Variants in LRRTM4 observed in about 807,000 individuals in gnomAD.
LRRTM4 encodes the protein leucine rich repeat transmembrane neuronal 4.
A neutral mutation model predicts 47.6 loss-of-function variants in LRRTM4; 25 were observed. The ratio of observed to expected loss-of-function variants is 0.53; its 90% CI spans 0.38 to 0.73. The LOEUF is 0.73. LRRTM4 is among the 30% of genes least tolerant of loss of function. The pLI is 0.00. For synonymous variants in LRRTM4, 311 were observed against 269.5 expected (o/e 1.15, Z -1.51); for missense variants, 638 against 713.4 (o/e 0.89, Z 1.20).
At chr2:77,141,661 C>T (rs1558601979) in intron 3 of LRRTM4, among the ~76,000 whole-genome samples, 1 of 152,140 alleles carries the variant, frequency 6.6e-6, no homozygotes, top group South Asian at 2.1e-4. Flanking sequence ...ATGAGCTAGA[C>T]ATTCAATGTA....
At chr2:77,126,817 A>G (rs537096759) in intron 3 of LRRTM4, among the ~76,000 whole-genome samples, 77 of 152,222 alleles carry the variant, frequency 5.1e-4, no homozygotes, top group Non-Finnish European at 9.4e-4. Flanking sequence ...AATCCCTGCA[A>G]GATGTGCACA....
chr2:77,360,503 ATAC>A (rs1380471461), intron 3 of LRRTM4, among the ~76,000 whole-genome samples: 10 of 150,324 alleles, frequency 6.7e-5, no homozygotes, highest in African/African-American at 2.0e-4. Flanking sequence ...ATACGATACG[ATAC>A]GATACGATAC....
chr2:77,214,422 G>T (rs1252928085), intron 3 of LRRTM4, among the ~76,000 whole-genome samples: 1 of 152,108 alleles, frequency 6.6e-6, no homozygotes, highest in East Asian at 1.9e-4. Flanking sequence ...ATGCACAGAA[G>T]GTTCACAGTA....
chr2:77,338,493 C>A (rs140175537), intron 3 of LRRTM4, among the ~76,000 whole-genome samples: 2 of 151,946 alleles, frequency 1.3e-5, no homozygotes, highest in African/African-American at 2.4e-5. Flanking sequence ...GAAAAAAATT[C>A]TCATCATCAC....
chr2:77,515,833 G>A (rs765142933), intron 3 of LRRTM4, among the ~76,000 whole-genome samples: 1 of 151,830 alleles, frequency 6.6e-6, no homozygotes, highest in Admixed American at 6.6e-5. Flanking sequence ...TTTACTCCGA[G>A]TGACAAAGAA....
At chr2:76,765,786 G>C (rs869188) in intron 3 of LRRTM4, among the ~76,000 whole-genome samples, 1,960 of 152,270 alleles carry the variant, frequency 0.013, 37 homozygotes, top group African/African-American at 0.038. Context: ...CATTCTGAGA[G>C]CCTGAGCCTG....
At chr2:76,865,075 AC>A (rs1672428684) in intron 3 of LRRTM4, among the ~76,000 whole-genome samples, 1 of 151,610 alleles carries the variant, frequency 6.6e-6, no homozygotes, top group African/African-American at 2.4e-5. Flanking sequence ...AACATTCCCC[AC>A]CTCAATTTCT....
intron 3 of LRRTM4, among the ~76,000 whole-genome samples, chr2:77,046,311 C>CT (rs1361159820): frequency 2.0e-5 from 3 of 152,002 alleles, no homozygotes; most frequent in African/African-American, 7.2e-5. Flanking sequence ...AGTCTGTGAA[C>CT]TCCATCTCTG....
chr2:77,328,238 A>G (rs1489491549), intron 3 of LRRTM4, among the ~76,000 whole-genome samples: 1 of 152,228 alleles, frequency 6.6e-6, no homozygotes, highest in Non-Finnish European at 1.5e-5. Flanking sequence ...TCAAAGGTGT[A>G]GGTGAAGGTT....
intron 3 of LRRTM4, among the ~76,000 whole-genome samples, chr2:76,921,898 G>A (rs1674444360): frequency 6.6e-6 from 1 of 152,020 alleles, no homozygotes; most frequent in Admixed American, 6.6e-5. Context: ...CTGGGGTTCT[G>A]TGTGTATATC....
At chr2:77,295,376 A>T (rs1676940386) in intron 3 of LRRTM4, among the ~76,000 whole-genome samples, 1 of 152,166 alleles carries the variant, frequency 6.6e-6, no homozygotes, top group Non-Finnish European at 1.5e-5. Flanking sequence ...CCCTTAAATT[A>T]AAAGCATACA....
chr2:76,967,690 C>G (rs1468395111), intron 3 of LRRTM4, among the ~76,000 whole-genome samples: 2 of 151,648 alleles, frequency 1.3e-5, no homozygotes, highest in East Asian at 3.9e-4. Context: ...CTTGAAATGC[C>G]CTTTTTCTTC....
chr2:76,795,228 AGT>A (rs1675212619), intron 3 of LRRTM4, among the ~76,000 whole-genome samples: 1 of 143,500 alleles, frequency 7.0e-6, no homozygotes, highest in Non-Finnish European at 1.5e-5. Context: ...ATTAATGAAA[AGT>A]GTGTTTTGTA....
intron 3 of LRRTM4, among the ~76,000 whole-genome samples, chr2:76,963,610 C>G (rs1286002393): frequency 6.6e-6 from 1 of 150,810 alleles, no homozygotes; most frequent in East Asian, 2.0e-4. Flanking sequence ...ATCATCTAAG[C>G]TATAAAATAA....
intron 3 of LRRTM4, among the ~76,000 whole-genome samples, chr2:77,118,156 C>T (rs1430928857): frequency 2.6e-5 from 4 of 151,694 alleles, no homozygotes; most frequent in Non-Finnish European, 5.9e-5. Context: ...GCTGTCACTA[C>T]TAGAAATTGG....
chr2:77,081,190 G>C (rs1001666139), intron 3 of LRRTM4, among the ~76,000 whole-genome samples: 1 of 150,158 alleles, frequency 6.7e-6, no homozygotes, highest in African/African-American at 2.5e-5. Flanking sequence ...GCCCCAAGAA[G>C]ACAGTAATTG....
chr2:76,963,354 G>T (rs2103918401), intron 3 of LRRTM4, among the ~76,000 whole-genome samples: 1 of 150,740 alleles, frequency 6.6e-6, no homozygotes, highest in South Asian at 2.1e-4. Flanking sequence ...CATTGCTCTG[G>T]AACTATCTCC....
chr2:76,988,862 C>T (rs2103986387), intron 3 of LRRTM4, among the ~76,000 whole-genome samples: 1 of 150,774 alleles, frequency 6.6e-6, no homozygotes, highest in South Asian at 2.1e-4. Context: ...TTCTGGGAGG[C>T]AGTGGTATGA....
At chr2:76,862,124 C>A (rs557698528) in intron 3 of LRRTM4, among the ~76,000 whole-genome samples, 1 of 139,764 alleles carries the variant, frequency 7.2e-6, no homozygotes, top group South Asian at 2.1e-4. Context: ...CAATAAATAA[C>A]AACACTTGTT....
Sources: gnomAD v4.1 joint callset for allele counts (sites outside exome capture counted in the v4.1 genomes callset) on GRCh38, gnomAD v4.1.1 for gene constraint, MANE v1.5 for transcripts, NCBI Gene and HGNC (gene_info 2026-07-23, HGNC 2026-07-21) for gene names.